TEP1: variants seen among roughly 807,000 people sequenced by gnomAD.
TEP1 encodes the protein telomerase associated protein 1.
TEP1 carries 241 observed loss-of-function variants against 306.3 expected under a neutral mutation model. The ratio of observed to expected loss-of-function variants is 0.79; its 90% CI spans 0.71 to 0.88. TEP1 has a LOEUF of 0.88. TEP1 is among the 40% of genes least tolerant of loss of function. The probability of loss-of-function intolerance (pLI) is 0.00; values close to 1 mark genes in which losing one functional copy is unlikely to be tolerated. For missense variants in TEP1, 3,051 were observed against 3,276.1 expected (o/e 0.93, Z 1.68); for synonymous variants, 1,289 against 1,305.5 (o/e 0.99, Z 0.27).
chr14:20,380,358 T>G lies in TEP1; in HGVS notation c.4880A>C (p.Gln1627Pro). 1.2e-6 allele frequency: 2 copies of G among 1,614,210 alleles called. No individual in the cohort carries two copies. Among genetic ancestry groups the G allele is most frequent in the Non-Finnish European group, 8.5e-7 (1 of 1,180,030 alleles). Residue 1627 changes from glutamine (Q) to proline (P), a missense_variant, in exon 34 of 55, where the codon CAG becomes CCG. By Grantham distance (76) the Gln-to-Pro change is moderately conservative (BLOSUM62 -1). Transcript: ENST00000262715. ...LSQYPRLLPQ[Q>P]AANQPLDSPL... The stretch of plus-strand genomic sequence containing the variant: ...TGAGTCCAGGGGCTGGTTGGCTGCC[T>G]GCTGGGGCAGGAGCCGGGGGTACTG...
chr14:20,368,266 C>T lies in TEP1; in HGVS notation c.*171G>A, dbSNP rs899497193. On this transcript the variant is annotated 3_prime_UTR_variant, in exon 55 of 55. Coordinates refer to ENST00000262715, the MANE Select transcript of TEP1 (RefSeq NM_007110.5). Reference sequence around the variant, plus strand: ...ATATACATACACATAGAATATCCTCCTGTTCTAAATCCACATGAGAACACA... The same window carrying T: ...ATATACATACACATAGAATATCCTCTTGTTCTAAATCCACATGAGAACACA... 2 of 632,526 alleles carry T rather than the reference C, an allele frequency of 3.2e-6. No homozygotes were observed. Among genetic ancestry groups the T allele is most frequent in the African/African-American group, 3.7e-5 (2 of 54,710 alleles). The allele number at this position is 632,526 out of a possible 1,614,324, so 39.2% of individuals were successfully genotyped here. A position where few individuals can be genotyped will look rare whatever the true frequency, so the allele number is the denominator to read the frequency against.
intron 18 of TEP1, among the ~76,000 whole-genome samples, chr14:20,387,668 C>A (rs1877320495): frequency 6.6e-6 from 1 of 152,274 alleles, no homozygotes. Context: ...GGCCATACGG[C>A]CATGATGTCT....
At chr14:20,393,997 G>A (rs1414225370) in intron 12 of TEP1, among the ~76,000 whole-genome samples, 1 of 151,990 alleles carries the variant, frequency 6.6e-6, no homozygotes, top group Non-Finnish European at 1.5e-5. Flanking sequence ...TGAGGCAGGA[G>A]AATCACTTGA....
chr14:20,401,630 T>C (rs765989117), intron 7 of TEP1, 49 bp from the exon 8 acceptor site: 2 of 1,603,478 alleles, frequency 1.2e-6, no homozygotes, highest in Non-Finnish European at 8.5e-7. Flanking sequence ...TCCATGACCA[T>C]GGGAACTTTC....
chr14:20,400,137 CAAAAAAAAAAAAAAAAA>C (rs58121179), intron 9 of TEP1, among the ~76,000 whole-genome samples: 3 of 80,468 alleles, frequency 3.7e-5, no homozygotes, highest in African/African-American at 4.0e-5. Context: ...AACTCCGTCT[CAAAAAAAAAAAAAAAAA>C]AAAAAAAAGA....
intron 9 of TEP1, chr14:20,400,704 T>C: frequency 2.7e-6 from 1 of 369,662 alleles, no homozygotes; most frequent in Non-Finnish European, 5.0e-6. Context: ...GAGATATCGA[T>C]ATGAGTACAA....
rs973637822 is a variant in TEP1 at position 20,368,122 on chromosome 14, G to A, written c.*315C>T. ...CATCCTAGGGTCCTAGGGCCCGCGA[G>A]TGATGCAAGAATTCTAAAACCTAGT... On this transcript the variant is annotated 3_prime_UTR_variant, in exon 55 of 55. Transcript: ENST00000262715. The A allele has an allele frequency of 1.4e-5, 3 of 207,566 alleles. No homozygotes were observed. The highest frequency in any genetic ancestry group is 2.3e-4 in the East Asian group (2 of 8,826). 12.9% of individuals were successfully genotyped at this position (207,566 alleles called of 1,614,324 possible).
chr14:20,369,374 T>C lies in TEP1; in HGVS notation c.7626A>G (p.Thr2542=). Residue 2542 remains threonine, a synonymous_variant, in exon 53 of 55, where the codon ACA becomes ACG. Coordinates refer to ENST00000262715, the MANE Select transcript of TEP1 (RefSeq NM_007110.5). ...TACGCTGCCGTGTCTTTAGATGTGG[T>C]GTTGGCTCACTATCCATGCTGGCAT... ...DSDASMDSEP[T]PHLKTRQRRK... is the part of the protein sequence containing the mutation. The C allele has an allele frequency of 6.2e-7, 1 of 1,614,012 alleles. No individual in the cohort carries two copies. The highest frequency in any genetic ancestry group is 8.5e-7 in the Non-Finnish European group (1 of 1,179,948).
chr14:20,404,583 C>T (rs1014131259), intron 5 of TEP1, 28 bp downstream of exon 5: 1 of 1,598,122 alleles, frequency 6.3e-7, no homozygotes, highest in Admixed American at 1.7e-5. Context: ...GAAGTGAAGG[C>T]CCAAGCTCAG....
At chr14:20,375,627 C>T in intron 43 of TEP1, 128 bp downstream of exon 43, 1 of 621,674 alleles carries the variant, frequency 1.6e-6, no homozygotes, top group East Asian at 2.8e-5. Context: ...ATGCCTGGCA[C>T]ATATCAAGTT....
At position 20,372,754 on chromosome 14, in the gene TEP1, C is replaced by G; in HGVS notation, c.7055G>C (p.Gly2352Ala). The change falls in exon 49 of 55, where the codon GGT becomes GCT. Residue 2352 changes from glycine to alanine, a missense_variant. Transcript: ENST00000262715. ...TCACCTCAAATTTCCGGGTGCCGAA[C>G]CCTTCCGCAGTTTCACTTGCCACTC... ...ISEWQVKLRK[G>A]SAPGNLSLHL... is the part of the protein sequence containing the mutation. 1 of 1,614,118 alleles carries G rather than the reference C, an allele frequency of 6.2e-7. No individual in the cohort carries two copies. The highest frequency in any genetic ancestry group is 1.3e-5 in the African/African-American group (1 of 75,006).
intron 27 of TEP1, 150 bp downstream of exon 27, chr14:20,383,024 A>C (rs1002118729): frequency 1.0e-6 from 1 of 976,418 alleles, no homozygotes; most frequent in African/African-American, 1.6e-5. Flanking sequence ...CAGGAATCAC[A>C]ATTTTCTTAT....
chr14:20,407,493 AC>A (rs1229875906), intron 2 of TEP1, among the ~76,000 whole-genome samples: 2 of 152,254 alleles, frequency 1.3e-5, no homozygotes, highest in South Asian at 4.1e-4. Context: ...GATGCGTGCC[AC>A]CACACCTGGC....
At chr14:20,403,226 C>G (rs1226636946) in intron 7 of TEP1, 151 bp downstream of exon 7, 2 of 840,354 alleles carry the variant, frequency 2.4e-6, no homozygotes, top group South Asian at 2.0e-5. Flanking sequence ...AAACCACATG[C>G]CTTTCCCAGT....
In TEP1 at chr14:20,384,717, AC is replaced by A; in HGVS notation, c.3108-5del. The A allele has an allele frequency of 6.2e-7, 1 of 1,608,314 alleles. No individual in the cohort carries two copies. On this transcript the variant is annotated splice_polypyrimidine_tract_variant and splice_region_variant and intron_variant, in intron 21 of 54. Transcript: ENST00000262715. ...TTTCCAGGCATCTGGCACAGAGCTG[AC>A]CACCAAAGACCCCAAAAGTTGGAAT...
intron 1 of TEP1, among the ~76,000 whole-genome samples, chr14:20,408,989 T>A (rs1879424357): frequency 6.6e-6 from 1 of 151,892 alleles, no homozygotes; most frequent in South Asian, 2.1e-4. Flanking sequence ...GGACTGTGGG[T>A]TCATAGCTCC....
chr14:20,383,423 C>T, intron 26 of TEP1, 65 bp downstream of exon 26: 2 of 1,610,446 alleles, frequency 1.2e-6, no homozygotes, highest in Non-Finnish European at 1.7e-6. Context: ...GGCCTCTCTC[C>T]TCCGTGCCGT....
Position 20,405,461 on chromosome 14 carries a change from A to C in TEP1, c.860T>G (p.Phe287Cys), listed in dbSNP as rs771349197. The C allele has an allele frequency of 3.7e-6, 6 of 1,614,060 alleles. No individual in the cohort carries two copies. Among genetic ancestry groups the C allele is most frequent in the Non-Finnish European group, 5.1e-6 (6 of 1,179,998 alleles). ...TTCACACCTCAATACCTTGAGGATA[A>C]ACTCAGGCTCCAGGAGGGCAAGTTC... is the stretch of plus-strand genomic sequence containing the variant. ...CRELALLEPE[F>C]ILKASLYARQ... Residue 287 changes from phenylalanine to cysteine, a missense_variant, in exon 4 of 55, where the codon TTT (phenylalanine) becomes TGT (cysteine). Transcript: ENST00000262715.
intron 51 of TEP1, among the ~76,000 whole-genome samples, chr14:20,370,966 A>G (rs1884795592): frequency 6.6e-6 from 1 of 152,224 alleles, no homozygotes. Flanking sequence ...AAAAAATGCA[A>G]TTGAGAAAAC....
Sources: gnomAD v4.1 joint callset for allele counts (sites outside exome capture counted in the v4.1 genomes callset) on GRCh38, gnomAD v4.1.1 for gene constraint, MANE v1.5 for transcripts, NCBI Gene and HGNC (gene_info 2026-07-23, HGNC 2026-07-21) for gene names.